The following CACNA2D3 variants were observed in gnomAD, a reference collection of about 807,000 sequenced individuals.
CACNA2D3 encodes calcium voltage-gated channel auxiliary subunit alpha2delta 3.
Under a neutral mutation model 160.6 loss-of-function variants are expected in CACNA2D3, and 60 were observed. That is an observed-to-expected ratio of 0.37 (90% CI 0.30 to 0.46). The LOEUF (loss-of-function observed/expected upper bound fraction) is 0.46. Among genes scored for constraint, CACNA2D3 ranks in the 20% least tolerant of loss-of-function variants. The probability of loss-of-function intolerance (pLI) is 1.00; values close to 1 mark genes in which losing one functional copy is unlikely to be tolerated. For missense variants in CACNA2D3, 1,205 were observed against 1,365.0 expected (o/e 0.88, Z 1.85); for synonymous variants, 558 against 492.9 (o/e 1.13, Z -1.75).
intron 2 of CACNA2D3, among the ~76,000 whole-genome samples, chr3:54,312,009 C>T (rs1176034264): frequency 6.6e-6 from 1 of 152,146 alleles, no homozygotes; most frequent in Non-Finnish European, 1.5e-5. Context: ...TTCACTCTTA[C>T]ATAAACAAAG....
At chr3:54,156,712 A>G (rs1700251905) in intron 2 of CACNA2D3, among the ~76,000 whole-genome samples, 1 of 152,202 alleles carries the variant, frequency 6.6e-6, no homozygotes, top group Admixed American at 6.5e-5. Context: ...TAGAAGCTGA[A>G]GCGCTGGACA....
At position 55,073,492 on chromosome 3, in the gene CACNA2D3, TG is replaced by T. The variant is rs1480824410; in HGVS notation, c.3037del (p.Val1013TrpfsTer31). On this transcript the variant is annotated frameshift_variant, in exon 36 of 38. Transcript: ENST00000474759. LOFTEE classifies it high-confidence loss of function. ...CCAAGCAGCAACCTGTTCATGGTGGTGGTGGACAGCAGCTGCCTCTGTGAAT... is the reference window on the plus strand; with the variant it reads ...CCAAGCAGCAACCTGTTCATGGTGGTGTGGACAGCAGCTGCCTCTGTGAAT... Reference protein sequence around the residue: ...QIPSSNLFMVVVDSSCLCESV... With the variant: ...QIPSSNLFMVXVDSSCLCESV... 6.2e-7 allele frequency: 1 copy of T among 1,613,940 alleles called. No homozygotes were observed. The highest frequency in any genetic ancestry group is 8.5e-7 in the Non-Finnish European group (1 of 1,179,880).
chr3:54,228,596 A>T (rs1258525880), intron 2 of CACNA2D3, among the ~76,000 whole-genome samples: 1 of 152,250 alleles, frequency 6.6e-6, no homozygotes, highest in Non-Finnish European at 1.5e-5. Flanking sequence ...CACACATGAA[A>T]TTCAGACCTT....
chr3:54,671,271 C>T (rs1472831543), intron 11 of CACNA2D3, among the ~76,000 whole-genome samples: 1 of 151,654 alleles, frequency 6.6e-6, no homozygotes, highest in East Asian at 1.9e-4. Flanking sequence ...CTGATTGTTT[C>T]CCTCCATTTC....
intron 16 of CACNA2D3, 94 bp from the exon 17 acceptor site, chr3:54,846,299 A>T (rs1321832728): frequency 1.4e-6 from 1 of 728,736 alleles, no homozygotes; most frequent in Non-Finnish European, 2.4e-6. Flanking sequence ...TGACAAGTTA[A>T]AGCTGTAAAT....
At chr3:54,459,725 C>A (rs1293106584) in intron 4 of CACNA2D3, among the ~76,000 whole-genome samples, 1 of 152,030 alleles carries the variant, frequency 6.6e-6, no homozygotes, top group Non-Finnish European at 1.5e-5. Context: ...TGTAGGTTGC[C>A]TGTTCACTCT....
chr3:54,549,185 G>A (rs527977531), intron 5 of CACNA2D3, among the ~76,000 whole-genome samples: 11 of 152,264 alleles, frequency 7.2e-5, no homozygotes, highest in Non-Finnish European at 1.0e-4. Context: ...GGTGGCTCCC[G>A]CCTGTAATCC....
chr3:54,431,876 G>A (rs369914038), intron 4 of CACNA2D3, among the ~76,000 whole-genome samples: 1 of 152,150 alleles, frequency 6.6e-6, no homozygotes, highest in African/African-American at 2.4e-5. Context: ...CCAAAGTGCC[G>A]GGATTACAGG....
chr3:54,630,999 C>T (rs1361852376), intron 10 of CACNA2D3, among the ~76,000 whole-genome samples: 2 of 152,026 alleles, frequency 1.3e-5, no homozygotes, highest in Admixed American at 6.6e-5. Context: ...GTCCGGGGTT[C>T]GAGACCAGCC....
At chr3:54,302,384 T>TA (rs1313702066) in intron 2 of CACNA2D3, among the ~76,000 whole-genome samples, 1 of 152,206 alleles carries the variant, frequency 6.6e-6, no homozygotes, top group Non-Finnish European at 1.5e-5. Flanking sequence ...GGAGGGGACT[T>TA]ACCATCTTAC....
chr3:54,239,654 C>T (rs889303748), intron 2 of CACNA2D3, among the ~76,000 whole-genome samples: 2 of 152,150 alleles, frequency 1.3e-5, no homozygotes, highest in African/African-American at 2.4e-5. Context: ...TCAGAATCAT[C>T]ACTTCACTTC....
chr3:54,535,402 G>T (rs1701873985), intron 5 of CACNA2D3, among the ~76,000 whole-genome samples: 1 of 152,140 alleles, frequency 6.6e-6, no homozygotes, highest in Non-Finnish European at 1.5e-5. Context: ...GTGTCACACT[G>T]CCTATTTTTT....
At chr3:55,032,771 G>C (rs188694404) in intron 35 of CACNA2D3, among the ~76,000 whole-genome samples, 1 of 152,120 alleles carries the variant, frequency 6.6e-6, no homozygotes, top group Admixed American at 6.6e-5. Flanking sequence ...TTTAGTTGGT[G>C]CTCAATAGCT....
At chr3:54,584,551 A>C (rs541767250) in intron 9 of CACNA2D3, among the ~76,000 whole-genome samples, 1 of 152,142 alleles carries the variant, frequency 6.6e-6, no homozygotes, top group East Asian at 1.9e-4. Context: ...ATAACAAAAA[A>C]ATATAACATT....
In CACNA2D3 at chr3:54,711,633, A is replaced by G. The variant is rs555464631; in HGVS notation, c.1168-40966A>G. 1.7e-3 allele frequency among the ~76,000 whole-genome samples: 258 copies of G among 152,366 alleles called. 2 individuals carry two copies. The highest frequency in any genetic ancestry group is 6.8e-3 in the Middle Eastern group (2 of 294). On this transcript the variant is annotated intron_variant, in intron 11 of 37. Transcript: ENST00000474759. ...AACAGATGGGATTACCATGATTAAC[A>G]TAGACCAATCGTGATTCCACACTGG...
intron 2 of CACNA2D3, among the ~76,000 whole-genome samples, chr3:54,299,412 C>T (rs901550631): frequency 2.0e-5 from 3 of 152,156 alleles, no homozygotes; most frequent in Admixed American, 6.5e-5. Flanking sequence ...AGTCTGGGTG[C>T]TTCCTCAGCT....
chr3:54,795,571 G>A (rs1702851624), intron 13 of CACNA2D3, among the ~76,000 whole-genome samples: 1 of 152,110 alleles, frequency 6.6e-6, no homozygotes, highest in Non-Finnish European at 1.5e-5. Flanking sequence ...ATATCACCTT[G>A]GCCCTTAAAA....
chr3:54,283,593 A>G (rs910407270), intron 2 of CACNA2D3, among the ~76,000 whole-genome samples: 13 of 152,194 alleles, frequency 8.5e-5, no homozygotes, highest in African/African-American at 2.7e-4. Context: ...GTAGTGTGAT[A>G]TTCTGGGGAT....
chr3:54,749,301 C>T (rs1397546800), intron 11 of CACNA2D3, among the ~76,000 whole-genome samples: 2 of 152,178 alleles, frequency 1.3e-5, no homozygotes, highest in African/African-American at 2.4e-5. Flanking sequence ...CACGAATGTA[C>T]CATGAACTTG....
Sources: gnomAD v4.1 joint callset for allele counts (sites outside exome capture counted in the v4.1 genomes callset) on GRCh38, gnomAD v4.1.1 for gene constraint, MANE v1.5 for transcripts, NCBI Gene and HGNC (gene_info 2026-07-23, HGNC 2026-07-21) for gene names.